The following MUSK variants were observed in gnomAD, a reference collection of about 807,000 sequenced individuals.
MUSK encodes muscle, skeletal receptor tyrosine-protein kinase.
Under a neutral mutation model 88.7 loss-of-function variants are expected in MUSK, and 55 were observed. The ratio of observed to expected loss-of-function variants is 0.62; its 90% CI spans 0.50 to 0.78. MUSK has a LOEUF of 0.78. MUSK is among the 30% of genes least tolerant of loss of function. The probability of loss-of-function intolerance (pLI) is 0.00; values close to 1 mark genes in which losing one functional copy is unlikely to be tolerated. For missense variants in MUSK, 1,015 were observed against 1,074.3 expected (o/e 0.94, Z 0.77); for synonymous variants, 387 against 391.9 (o/e 0.99, Z 0.15).
intron 1 of MUSK, among the ~76,000 whole-genome samples, chr9:110,671,938 G>T (rs190139760): frequency 2.0e-5 from 3 of 152,270 alleles, no homozygotes; most frequent in South Asian, 2.1e-4. Context: ...TTGAGCGTAC[G>T]TGATTTTATC....
intron 11 of MUSK, among the ~76,000 whole-genome samples, chr9:110,776,922 C>A (rs1204813374): frequency 1.3e-5 from 2 of 152,096 alleles, no homozygotes; most frequent in Non-Finnish European, 2.9e-5. Flanking sequence ...TGTTTTATTT[C>A]TTATATGGCT....
At chr9:110,716,147 A>G (rs2076741018) in intron 5 of MUSK, among the ~76,000 whole-genome samples, 1 of 150,028 alleles carries the variant, frequency 6.7e-6, no homozygotes, top group South Asian at 2.1e-4. Context: ...TTGGGGGAAA[A>G]AAAAGAAAAA....
chr9:110,761,411 A>G (rs2077396229), intron 7 of MUSK, among the ~76,000 whole-genome samples: 1 of 152,132 alleles, frequency 6.6e-6, no homozygotes, highest in Non-Finnish European at 1.5e-5. Flanking sequence ...CCCAGGGCAC[A>G]CAGCCTTGAG....
intron 5 of MUSK, among the ~76,000 whole-genome samples, chr9:110,707,334 A>G (rs181430598): frequency 6.6e-6 from 1 of 152,326 alleles, no homozygotes; most frequent in Non-Finnish European, 1.5e-5. Flanking sequence ...CTCATTTAAA[A>G]TTTATAAATA....
intron 1 of MUSK, among the ~76,000 whole-genome samples, chr9:110,675,215 CTTT>C (rs386415865): frequency 0.02 from 1,791 of 88,252 alleles, 41 homozygotes; most frequent in African/African-American, 0.075. Context: ...CACATTGCCT[CTTT>C]TTTTTTTTTT....
At position 110,767,904 on chromosome 9, in the gene MUSK, T is replaced by A. The variant is rs1030997195; in HGVS notation, c.1005T>A (p.Val335=). Residue 335 remains valine, a synonymous_variant, in exon 9 of 15, where the codon GTT becomes GTA. Transcript: ENST00000374448. ...CAGTCCTGGCAAAAGATGCTCTTGTTTTTCTCAACACCTCCTATGCGGACC... is the reference window on the plus strand; with the variant it reads ...CAGTCCTGGCAAAAGATGCTCTTGTATTTCTCAACACCTCCTATGCGGACC... ...CNAVLAKDAL[V]FLNTSYADPE... is the part of the protein sequence containing the mutation. 1.2e-6 allele frequency: 2 copies of A among 1,613,956 alleles called. No homozygotes were observed. The highest frequency in any genetic ancestry group is 8.5e-7 in the Non-Finnish European group (1 of 1,179,882).
chr9:110,762,166 T>A, intron 7 of MUSK, 36 bp from the exon 8 acceptor site: 1 of 1,411,542 alleles, frequency 7.1e-7, no homozygotes, highest in South Asian at 1.7e-5. Context: ...CTCCTTTAAT[T>A]TGACTTCCTG....
chr9:110,800,232 T>C (rs966208605), intron 14 of MUSK, 74 bp from the exon 15 acceptor site: 21 of 1,341,792 alleles, frequency 1.6e-5, no homozygotes, highest in Non-Finnish European at 1.9e-5. Flanking sequence ...GACATGGTCG[T>C]TTGCTTTTGG....
rs2076917039 is a variant in MUSK, at chr9:110,728,393, T to A, written c.629-5858T>A. 14 of 356,302 alleles carry A rather than the reference T, an allele frequency of 3.9e-5. 1 individual carries two copies. In the South Asian group the frequency reaches 5.9e-4, roughly 15 times the overall value. 22.1% of individuals were successfully genotyped at this position (356,302 alleles called of 1,614,324 possible). On this transcript the variant is annotated intron_variant, in intron 5 of 14. Transcript: ENST00000374448. ...GAAAGGGTAACTGTCAACATTAGAA[T>A]AAAAATTCATGAAAGAGCTACATTG...
intron 3 of MUSK, among the ~76,000 whole-genome samples, chr9:110,688,637 C>A (rs2076229096): frequency 6.6e-6 from 1 of 151,386 alleles, no homozygotes; most frequent in Non-Finnish European, 1.5e-5. Context: ...CCCCGACAGG[C>A]CCCGTGTGTG....
At chr9:110,704,613 G>A (rs1438404070) in intron 5 of MUSK, among the ~76,000 whole-genome samples, 1 of 152,134 alleles carries the variant, frequency 6.6e-6, no homozygotes, top group Non-Finnish European at 1.5e-5. Flanking sequence ...GAAAAAGTAA[G>A]TAAAGAACAG....
At chr9:110,779,058 C>CTGTGTGTGTGTG (rs10680441) in intron 11 of MUSK, among the ~76,000 whole-genome samples, 54 of 149,720 alleles carry the variant, frequency 3.6e-4, no homozygotes, top group Admixed American at 2.1e-3. Flanking sequence ...GTCAGTGTCT[C>CTGTGTGTGTGTG]TGTGTGTGTG....
intron 7 of MUSK, among the ~76,000 whole-genome samples, chr9:110,753,147 C>T (rs1357262591): frequency 1.3e-5 from 2 of 152,072 alleles, no homozygotes; most frequent in African/African-American, 2.4e-5. Context: ...GAGAAAAATA[C>T]AGGCCGGGTG....
At chr9:110,724,539 G>T (rs2093588630) in intron 5 of MUSK, among the ~76,000 whole-genome samples, 3 of 152,018 alleles carry the variant, frequency 2.0e-5, no homozygotes, top group South Asian at 4.1e-4. Context: ...TGACTGCTTT[G>T]GTTTCAAGCA....
In MUSK at chr9:110,785,530, A is replaced by T. The variant is rs1267578054; in HGVS notation, c.1590A>T (p.Glu530Asp). 2 of 1,602,954 alleles carry T rather than the reference A, an allele frequency of 1.2e-6. No homozygotes were observed. The highest frequency in any genetic ancestry group is 1.7e-6 in the Non-Finnish European group (2 of 1,173,500). ...ATCTTGCCTGTCTTGCCTGCAGAGA[A>T]TCAGCAGCAGTAACCCTCACCACAC... ...RRKQWKNKKR[E>D]SAAVTLTTLP... The change falls in exon 13 of 15, where the codon GAA becomes GAT. Residue 530 changes from glutamate (E) to aspartate (D), a missense_variant. Coordinates refer to ENST00000374448, the MANE Select transcript of MUSK (RefSeq NM_005592.4).
At chr9:110,780,859 G>T (rs568226568) in intron 11 of MUSK, among the ~76,000 whole-genome samples, 1 of 152,018 alleles carries the variant, frequency 6.6e-6, no homozygotes, top group African/African-American at 2.4e-5. Flanking sequence ...TCCATGATAG[G>T]GCTTCATGTT....
chr9:110,747,005 G>T (rs566617514), intron 6 of MUSK, among the ~76,000 whole-genome samples: 4 of 152,164 alleles, frequency 2.6e-5, no homozygotes, highest in Non-Finnish European at 5.9e-5. Flanking sequence ...GATCCACACC[G>T]TATATAATTC....
intron 5 of MUSK, among the ~76,000 whole-genome samples, chr9:110,698,959 T>A (rs1035112660): frequency 2.0e-5 from 3 of 152,178 alleles, no homozygotes; most frequent in African/African-American, 7.2e-5. Flanking sequence ...GCTATCCATT[T>A]GTATAAAATA....
chr9:110,801,034 TG>T lies in MUSK; in HGVS notation c.*47del. 1 of 1,452,350 alleles carries T rather than the reference TG, an allele frequency of 6.9e-7. No homozygotes were observed. The highest frequency in any genetic ancestry group is 9.1e-7 in the Non-Finnish European group (1 of 1,103,272). 90.0% of individuals were successfully genotyped at this position (1,452,350 alleles called of 1,614,324 possible). On this transcript the variant is annotated 3_prime_UTR_variant, in exon 15 of 15. Coordinates refer to ENST00000374448, the MANE Select transcript of MUSK (RefSeq NM_005592.4). ...AATGCTGCAGTTTCCTCTCAGACTC[TG>T]TGAGCCAGGGGAATCCTACACCAGA...
Sources: allele counts gnomAD v4.1 joint callset (sites outside exome capture counted in the v4.1 genomes callset), GRCh38; gene constraint gnomAD v4.1.1; transcripts MANE v1.5; gene names NCBI Gene and HGNC (gene_info 2026-07-23, HGNC 2026-07-21).